The following UNC13C variants were observed in gnomAD, a reference collection of about 807,000 sequenced individuals.
The protein encoded by UNC13C is unc-13 homolog C, also known as protein unc-13 homolog C.
UNC13C carries 174 observed loss-of-function variants against 245.4 expected under a neutral mutation model. The observed-to-expected ratio is 0.71, with a 90% CI of 0.63 to 0.80. UNC13C has a LOEUF of 0.80. UNC13C is among the 30% of genes least tolerant of loss of function. UNC13C has a pLI of 0.00. For synonymous variants in UNC13C, 992 were observed against 895.1 expected (o/e 1.11, Z -1.93); for missense variants, 2,829 against 2,602.9 (o/e 1.09, Z -1.89).
intron 30 of UNC13C, among the ~76,000 whole-genome samples, chr15:54,614,830 T>G (rs1900324752): frequency 6.6e-6 from 1 of 152,058 alleles, no homozygotes; most frequent in African/African-American, 2.4e-5. Flanking sequence ...TTCTAATTTT[T>G]CTGAAATGCA....
At chr15:54,335,034 C>T (rs1418215701) in intron 16 of UNC13C, among the ~76,000 whole-genome samples, 1 of 152,134 alleles carries the variant, frequency 6.6e-6, no homozygotes. Context: ...CAATCACATA[C>T]TCCCACCACC....
At chr15:53,980,758 C>T (rs975435875) in intron 1 of UNC13C, among the ~76,000 whole-genome samples, 1 of 152,088 alleles carries the variant, frequency 6.6e-6, no homozygotes, top group Admixed American at 6.6e-5. Context: ...AATTCATGCC[C>T]AGGTGAAATA....
chr15:54,099,765 A>G (rs949512528), intron 2 of UNC13C, among the ~76,000 whole-genome samples: 2 of 152,080 alleles, frequency 1.3e-5, no homozygotes, highest in Non-Finnish European at 2.9e-5. Flanking sequence ...ATTTTCTCCT[A>G]TAAAGTAGAA....
At chr15:54,474,251 A>G (rs973908761) in intron 19 of UNC13C, among the ~76,000 whole-genome samples, 1 of 152,002 alleles carries the variant, frequency 6.6e-6, no homozygotes, top group Non-Finnish European at 1.5e-5. Flanking sequence ...ATAAATCTTC[A>G]TACTGTTTTC....
intron 10 of UNC13C, among the ~76,000 whole-genome samples, chr15:54,279,982 A>G (rs1042747628): frequency 1.3e-5 from 2 of 152,216 alleles, no homozygotes; most frequent in Non-Finnish European, 2.9e-5. Flanking sequence ...ATGAGAGTAC[A>G]GAGAAGCAGA....
At chr15:53,843,736 G>A in the UNC13C span, among the ~76,000 whole-genome samples, 7 of 152,230 alleles carry the variant, frequency 4.6e-5, no homozygotes, top group Admixed American at 4.6e-4. Context: ...CATGTTAATG[G>A]CCAGCACATC....
chr15:54,094,333 T>G (rs1595845674), intron 2 of UNC13C, among the ~76,000 whole-genome samples: 1 of 152,326 alleles, frequency 6.6e-6, no homozygotes, highest in East Asian at 1.9e-4. Context: ...ATGTTACCTC[T>G]AATAAATCTC....
chr15:53,905,595 A>G, the UNC13C span, among the ~76,000 whole-genome samples: 2 of 152,080 alleles, frequency 1.3e-5, no homozygotes, highest in Non-Finnish European at 2.9e-5. Flanking sequence ...CAGGGAGTAG[A>G]ATGGTGGTTG....
intron 17 of UNC13C, among the ~76,000 whole-genome samples, chr15:54,355,035 C>A (rs1013981383): frequency 6.6e-6 from 1 of 152,122 alleles, no homozygotes; most frequent in Non-Finnish European, 1.5e-5. Context: ...CCTGAACTAT[C>A]ATGTTCAGCC....
At chr15:54,599,855 C>G (rs948994381) in intron 30 of UNC13C, among the ~76,000 whole-genome samples, 2 of 152,064 alleles carry the variant, frequency 1.3e-5, no homozygotes, top group Admixed American at 1.3e-4. Context: ...AGTTAATGGT[C>G]TCCTCACTCT....
the UNC13C span, among the ~76,000 whole-genome samples, chr15:53,918,895 G>A: frequency 2.0e-5 from 3 of 152,304 alleles, no homozygotes; most frequent in East Asian, 1.9e-4. Context: ...ATGATGAGAC[G>A]AGCAATTTTT....
At chr15:54,580,718 G>T (rs1249038668) in intron 30 of UNC13C, among the ~76,000 whole-genome samples, 1 of 152,186 alleles carries the variant, frequency 6.6e-6, no homozygotes, top group African/African-American at 2.4e-5. Flanking sequence ...ATCATTAGAT[G>T]TGCTCTGTCT....
intron 2 of UNC13C, among the ~76,000 whole-genome samples, chr15:54,119,462 G>A (rs1367801084): frequency 1.3e-5 from 2 of 152,092 alleles, no homozygotes; most frequent in Admixed American, 1.3e-4. Context: ...AACGTTGTGT[G>A]TATTCTGAGT....
intron 16 of UNC13C, among the ~76,000 whole-genome samples, chr15:54,335,682 A>T (rs1482566801): frequency 1.3e-5 from 2 of 152,164 alleles, no homozygotes; most frequent in Admixed American, 1.3e-4. Flanking sequence ...ATTGGTGTTG[A>T]ATGTATCAAC....
At chr15:54,084,368 A>G (rs1899123204) in intron 2 of UNC13C, among the ~76,000 whole-genome samples, 1 of 152,212 alleles carries the variant, frequency 6.6e-6, no homozygotes, top group African/African-American at 2.4e-5. Context: ...TTGTGAGTAT[A>G]TGAGTTGTCT....
intron 2 of UNC13C, among the ~76,000 whole-genome samples, chr15:54,060,575 C>G (rs1202693455): frequency 6.6e-6 from 1 of 152,162 alleles, no homozygotes; most frequent in Non-Finnish European, 1.5e-5. Flanking sequence ...CCTCAGGGAT[C>G]TAGAACTAGA....
rs545794416 is a variant in UNC13C, at chr15:54,258,613, C to A, written c.3449-5555C>A. Among the ~76,000 whole-genome samples, 19 of 152,218 alleles carry A rather than the reference C, an allele frequency of 1.2e-4. No homozygotes were observed. In the East Asian group the frequency reaches 2.9e-3, roughly 23 times the overall value. On this transcript the variant is annotated intron_variant, in intron 8 of 32. Coordinates refer to ENST00000260323, the MANE Select transcript of UNC13C (RefSeq NM_001080534.3). Reference sequence around the variant, plus strand: ...CGAACTCCTGACCTCAAGTGATCTGCCTGCCTCGGCCTCCAAAAGTGCTGG... The same window carrying A: ...CGAACTCCTGACCTCAAGTGATCTGACTGCCTCGGCCTCCAAAAGTGCTGG...
intron 17 of UNC13C, among the ~76,000 whole-genome samples, chr15:54,343,441 A>G (rs967060342): frequency 5.9e-5 from 9 of 152,104 alleles, no homozygotes; most frequent in African/African-American, 2.2e-4. Flanking sequence ...CCCCATGCAT[A>G]ACTTTATAAT....
the UNC13C span, among the ~76,000 whole-genome samples, chr15:53,874,870 C>G: frequency 1.3e-4 from 20 of 152,046 alleles, no homozygotes; most frequent in African/African-American, 4.8e-4. Flanking sequence ...CCAAGGCGGG[C>G]GGATCATGAG....
Sources: allele counts gnomAD v4.1 joint callset (sites outside exome capture counted in the v4.1 genomes callset), GRCh38; gene constraint gnomAD v4.1.1; transcripts MANE v1.5; gene names NCBI Gene and HGNC (gene_info 2026-07-23, HGNC 2026-07-21).